FBN1: variants seen among roughly 807,000 people sequenced by gnomAD.
FBN1 encodes the protein fibrillin-1.
In FBN1, 29 loss-of-function variants were observed where a neutral mutation model predicts 365.1. The ratio of observed to expected loss-of-function variants is 0.08; its 90% CI spans 0.06 to 0.11. The LOEUF is 0.11. Ranked by LOEUF, FBN1 falls within the 10% of genes least tolerant of loss-of-function variation. The pLI, the probability that FBN1 is intolerant of heterozygous loss-of-function variation, is 1.00. For missense variants in FBN1, 2,476 were observed against 3,703.2 expected, an observed-to-expected ratio of 0.67 and a Z score of 8.60; for synonymous variants, 1,210 against 1,270.5, an observed-to-expected ratio of 0.95 and a Z score of 1.01.
rs755861623 is a variant in FBN1, at chr15:48,432,957, G to A, written c.6648C>T (p.Leu2216=). 6.2e-7 allele frequency: 1 copy of A among 1,613,608 alleles called. No homozygotes were observed. The highest frequency in any genetic ancestry group is 8.5e-7 in the Non-Finnish European group (1 of 1,179,626). Residue 2216 remains leucine, a synonymous_variant, in exon 55 of 66, where the codon CTC becomes CTT. Coordinates refer to ENST00000316623, the MANE Select transcript of FBN1 (RefSeq NM_000138.5). ...DINECAQNPL[L]CAFRCVNTYG... is the part of the protein sequence containing the mutation. Reference sequence around the variant, plus strand: ...AAGTGTTCACACATCGGAAGGCACAGAGCAGAGGATTCTGGGCACATTCAT... The same window carrying A: ...AAGTGTTCACACATCGGAAGGCACAAAGCAGAGGATTCTGGGCACATTCAT...
chr15:48,497,283 G>A lies in FBN1; in HGVS notation c.2276C>T (p.Thr759Ile). The A allele has an allele frequency of 6.2e-7, 1 of 1,614,048 alleles. No homozygotes were observed. Among genetic ancestry groups the A allele is most frequent in the Non-Finnish European group, 8.5e-7 (1 of 1,179,966 alleles). ...CTTCTCACCAACGCAGTTTTTCCCA[G>A]TTGAATCCACTTCATATCCTGAATT... ...ICNSGYEVDS[T>I]GKNCVDINEC... The change falls in exon 19 of 66, where the codon ACT becomes ATT. Residue 759 changes from threonine to isoleucine, a missense_variant. By Grantham distance (89) the Thr-to-Ile change is moderately conservative. Coordinates refer to ENST00000316623, the MANE Select transcript of FBN1 (RefSeq NM_000138.5).
intron 9 of FBN1, among the ~76,000 whole-genome samples, chr15:48,522,599 G>C (rs1002985532): frequency 1.3e-5 from 2 of 151,894 alleles, no homozygotes; most frequent in Non-Finnish European, 2.9e-5. Context: ...TCTCAAAGAG[G>C]GTCATACCTG....
intron 23 of FBN1, 123 bp from the exon 24 acceptor site, chr15:48,492,709 T>A: frequency 1.3e-6 from 1 of 797,334 alleles, no homozygotes; most frequent in Non-Finnish European, 2.0e-6. Flanking sequence ...CTAGTTTGCC[T>A]ACAAGTAGTT....
chr15:48,469,076 A>AAATATATATATATATATAT (rs1597549645), intron 36 of FBN1, among the ~76,000 whole-genome samples: 2 of 109,776 alleles, frequency 1.8e-5, no homozygotes, highest in African/African-American at 7.6e-5. Flanking sequence ...TCAAAAAAAA[A>AAATATATATATATATATAT]AAAATATATA....
At chr15:48,591,365 G>C (rs977533593) in intron 6 of FBN1, among the ~76,000 whole-genome samples, 12 of 151,508 alleles carry the variant, frequency 7.9e-5, no homozygotes, top group African/African-American at 2.4e-5. Flanking sequence ...CTCCAAAAAA[G>C]AGTTCCAAAC....
intron 5 of FBN1, among the ~76,000 whole-genome samples, chr15:48,598,431 G>A (rs1338843627): frequency 6.6e-6 from 1 of 152,190 alleles, no homozygotes; most frequent in African/African-American, 2.4e-5. Context: ...GTTTATTGTT[G>A]TGGTCTCACT....
At chr15:48,505,720 G>T (rs1162470639) in intron 15 of FBN1, among the ~76,000 whole-genome samples, 1 of 152,130 alleles carries the variant, frequency 6.6e-6, no homozygotes, top group Non-Finnish European at 1.5e-5. Context: ...GCCAATAACA[G>T]CACTGTATGC....
chr15:48,644,557 TCTTGAAA>T, intron 2 of FBN1, 42 bp downstream of exon 2: 1 of 1,612,700 alleles, frequency 6.2e-7, no homozygotes. Flanking sequence ...TTGTTCTGGA[TCTTGAAA>T]CTTGGGAGAC....
rs1403216956 is a variant in FBN1, at chr15:48,526,253, T to C, written c.865A>G (p.Ile289Val). 2.5e-6 allele frequency: 4 copies of C among 1,613,966 alleles called. No individual in the cohort carries two copies. In the East Asian group the frequency reaches 6.7e-5, roughly 27 times the overall value. ...CCAGGAATGGTGCTGCATTCATCAA[T>C]ATCTGGAATATAAAAAAAAGAATCT... is the stretch of plus-strand genomic sequence containing the variant. ...LNEVSQKCED[I>V]DECSTIPGIC... Residue 289 changes from isoleucine to valine, a missense_variant and splice_region_variant, in exon 9 of 66, where the codon ATT (isoleucine) becomes GTT (valine). Coordinates refer to ENST00000316623, the MANE Select transcript of FBN1 (RefSeq NM_000138.5).
At chr15:48,580,254 T>C (rs976389682) in intron 6 of FBN1, among the ~76,000 whole-genome samples, 1 of 152,136 alleles carries the variant, frequency 6.6e-6, no homozygotes, top group African/African-American at 2.4e-5. Flanking sequence ...AAGCGTGACA[T>C]TTGTATTTCT....
chr15:48,515,732 A>C (rs562475408), intron 11 of FBN1, among the ~76,000 whole-genome samples: 12 of 152,162 alleles, frequency 7.9e-5, no homozygotes, highest in Non-Finnish European at 1.5e-4. Context: ...CTCACAACCC[A>C]GCTGCAGCCT....
In FBN1 at chr15:48,534,320, T is replaced by C. The variant is rs1319857318; in HGVS notation, c.737-115A>G. On this transcript the variant is annotated intron_variant, in intron 7 of 65. Transcript: ENST00000316623. ...TTACCATATTTATATCGGTGAGTTATTTGTCCATCACAATATTTGGAATAT... is the reference window on the plus strand; with the variant it reads ...TTACCATATTTATATCGGTGAGTTACTTGTCCATCACAATATTTGGAATAT... The C allele has an allele frequency of 4.6e-6, 5 of 1,080,496 alleles. No homozygotes were observed. The African/African-American group carries it at 6.3e-5, about 14-fold the overall frequency. 66.9% of individuals were successfully genotyped at this position (1,080,496 alleles called of 1,614,324 possible). A position where few individuals can be genotyped will look rare whatever the true frequency, so the allele number is the denominator to read the frequency against.
rs557732850 is a variant in FBN1 at position 48,484,511 on chromosome 15, A to G, written c.3713-568T>C. ...CTCAGCCTCCCAAGTAGCTGGGATT[A>G]CAGGCATGTGCCACCACACCCAACT... On this transcript the variant is annotated intron_variant, in intron 30 of 65. Transcript: ENST00000316623. Among the ~76,000 whole-genome samples the G allele has an allele frequency of 2.3e-4, 35 of 152,116 alleles. No homozygotes were observed. The South Asian group carries it at 6.6e-3, about 29-fold the overall frequency.
rs57915350 is a variant in FBN1, at chr15:48,547,721, TCACACACACACACACACACACA to T, written c.539-9935_539-9914del. On this transcript the variant is annotated intron_variant, in intron 6 of 65. Transcript: ENST00000316623. ...AGGTTGTTTGTATATCTTCTCTCTT[TCACACACACACACACACACACA>T]CACACACACACACACACACACACAC... is the stretch of plus-strand genomic sequence containing the variant. Among the ~76,000 whole-genome samples the T allele has an allele frequency of 5.1e-4, 67 of 131,224 alleles. No individual in the cohort carries two copies. The East Asian group carries it at 5.7e-3, about 11-fold the overall frequency. The allele number at this position is 131,224 out of a possible 152,430, so 86.1% of individuals were successfully genotyped here.
chr15:48,587,116 A>G (rs931730204), intron 6 of FBN1, among the ~76,000 whole-genome samples: 1 of 152,216 alleles, frequency 6.6e-6, no homozygotes, highest in African/African-American at 2.4e-5. Context: ...CTGATGTTCT[A>G]CAAAAAGTAC....
Position 48,425,756 on chromosome 15 carries a change from G to A in FBN1, c.7313C>T (p.Thr2438Ile). The A allele has an allele frequency of 6.2e-7, 1 of 1,613,334 alleles. No homozygotes were observed. ...ACACTTACCTACACAGGAAGTCCCA[G>A]TTATATCTGGAGTGTACCCAGTTTT... is the stretch of plus-strand genomic sequence containing the variant. ...ICKTGYTPDI[T>I]GTSCVDLNEC... Residue 2438 changes from threonine to isoleucine, a missense_variant, in exon 59 of 66, where the codon ACT becomes ATT. By Grantham distance (89) the Thr-to-Ile change is moderately conservative. Coordinates refer to ENST00000316623, the MANE Select transcript of FBN1 (RefSeq NM_000138.5).
At chr15:48,448,310 A>C (rs1244661371) in intron 46 of FBN1, among the ~76,000 whole-genome samples, 1 of 152,144 alleles carries the variant, frequency 6.6e-6, no homozygotes, top group African/African-American at 2.4e-5. Flanking sequence ...CAGGAAAGAG[A>C]TTTAAAATCC....
At chr15:48,596,144 C>G (rs914870274) in intron 6 of FBN1, 139 bp downstream of exon 6, 1 of 774,472 alleles carries the variant, frequency 1.3e-6, no homozygotes, top group Admixed American at 2.0e-5. Flanking sequence ...TCCTAGGGAC[C>G]TTCCCAATGA....
In FBN1 at chr15:48,487,742, C is replaced by T. The variant is rs150018293; in HGVS notation, c.3338-305G>A. On this transcript the variant is annotated intron_variant, in intron 27 of 65. Transcript: ENST00000316623. The stretch of plus-strand genomic sequence containing the variant: ...CTTTTGCAAGAATCTCCATTTCAAA[C>T]TTTGTTTCTAGGAAACCAGACCTAA... 8.3e-3 allele frequency among the ~76,000 whole-genome samples: 1,264 copies of T among 152,338 alleles called. 8 individuals are homozygous for T. Among genetic ancestry groups the T allele is most frequent in the Non-Finnish European group, 0.014 (986 of 68,030 alleles).
Sources: allele counts gnomAD v4.1 joint callset (sites outside exome capture counted in the v4.1 genomes callset), GRCh38; gene constraint gnomAD v4.1.1; transcripts MANE v1.5; gene names NCBI Gene and HGNC (gene_info 2026-07-23, HGNC 2026-07-21).